The following ABLIM2 variants were observed in gnomAD, a reference collection of about 807,000 sequenced individuals.
ABLIM2 encodes the protein actin binding LIM protein family member 2, also known as actin-binding LIM protein 2.
ABLIM2 carries 53 observed loss-of-function variants against 97.7 expected under a neutral mutation model. That is an observed-to-expected ratio of 0.54 (90% CI 0.44 to 0.68). The LOEUF is 0.68. Among genes scored for constraint, ABLIM2 ranks in the 30% least tolerant of loss-of-function variants. The pLI is 0.00. For synonymous variants in ABLIM2, 361 were observed against 345.8 expected (o/e 1.04, Z -0.49); for missense variants, 835 against 867.2 (o/e 0.96, Z 0.47).
intron 1 of ABLIM2, among the ~76,000 whole-genome samples, chr4:8,138,044 G>A (rs55684610): frequency 0.086 from 13,023 of 152,244 alleles, 594 homozygotes; most frequent in South Asian, 0.12. Context: ...AAGACATTAC[G>A]CTGAGTGAGA....
chr4:8,123,347 TA>T lies in ABLIM2; in HGVS notation c.11-16711del, dbSNP rs1031700401. On this transcript the variant is annotated intron_variant, in intron 1 of 20. Coordinates refer to ENST00000447017, the MANE Select transcript of ABLIM2 (RefSeq NM_001130083.2). The surrounding 1 kb of genome is among the most constrained non-coding windows in gnomAD (Gnocchi z 6.2). ...GGAACCCCATCTCAGAGATGCTCAGTAACCTGTCTAGATCACACAGCCTTCA... is the reference window on the plus strand; with the variant it reads ...GGAACCCCATCTCAGAGATGCTCAGTACCTGTCTAGATCACACAGCCTTCA... Among the ~76,000 whole-genome samples the T allele has an allele frequency of 1.3e-5, 2 of 152,152 alleles. No individual in the cohort carries two copies. The highest frequency in any genetic ancestry group is 2.9e-5 in the Non-Finnish European group (2 of 68,026).
At chr4:8,141,905 C>G (rs1313217025) in intron 1 of ABLIM2, among the ~76,000 whole-genome samples, 1 of 152,242 alleles carries the variant, frequency 6.6e-6, no homozygotes, top group Non-Finnish European at 1.5e-5. Flanking sequence ...ATACATGCAC[C>G]CTGGATCTGA....
chr4:8,050,186 G>C (rs533180222), intron 8 of ABLIM2, among the ~76,000 whole-genome samples: 1 of 152,258 alleles, frequency 6.6e-6, no homozygotes, highest in East Asian at 1.9e-4. Flanking sequence ...CACCTTGGGC[G>C]CCTGTTCTCA....
rs1782460025 is a variant in ABLIM2, at chr4:8,033,727, C to T, written c.1047+2422G>A. 6.6e-6 allele frequency among the ~76,000 whole-genome samples: 1 copy of T among 152,220 alleles called. No homozygotes were observed. Among genetic ancestry groups the T allele is most frequent in the Admixed American group, 6.5e-5 (1 of 15,284 alleles). On this transcript the variant is annotated intron_variant, in intron 10 of 20. Transcript: ENST00000447017. This position sits in a 1 kb window ranked among gnomAD's most constrained non-coding sequence, Gnocchi z 4.5. Reference sequence around the variant, plus strand: ...GGACAGGTCCTGGGGTCAGGATCATCCATGGTTCACAGATGTCCTGCCATT... The same window carrying T: ...GGACAGGTCCTGGGGTCAGGATCATTCATGGTTCACAGATGTCCTGCCATT...
intron 20 of ABLIM2, among the ~76,000 whole-genome samples, chr4:7,968,867 G>T: frequency 6.6e-6 from 1 of 152,184 alleles, no homozygotes; most frequent in East Asian, 1.9e-4. Flanking sequence ...TGGGCCGGGG[G>T]TGGCAGCTCA....
intron 1 of ABLIM2, among the ~76,000 whole-genome samples, chr4:8,137,758 G>A (rs536945452): frequency 2.6e-5 from 4 of 152,316 alleles, no homozygotes; most frequent in African/African-American, 9.6e-5. Flanking sequence ...AAGTAGGGTG[G>A]GCCCTCGAAA....
In ABLIM2 at chr4:8,085,493, G is replaced by A. The variant is rs1029713064; in HGVS notation, c.454+2676C>T. 1.4e-5 allele frequency among the ~76,000 whole-genome samples: 2 copies of A among 146,292 alleles called. No individual in the cohort carries two copies. The highest frequency in any genetic ancestry group is 3.0e-5 in the Non-Finnish European group (2 of 66,712). ...CTCACACGGGTCTGGGGGTGCCCAC[G>A]CTGCAGTCCCGTCCACTCACACGGC... On this transcript the variant is annotated intron_variant, in intron 4 of 20. Transcript: ENST00000447017. The surrounding 1 kb of genome is among the most constrained non-coding windows in gnomAD (Gnocchi z 6.1).
chr4:7,989,072 CTTTTTTTTT>C (rs71175445), intron 17 of ABLIM2, among the ~76,000 whole-genome samples: 134 of 81,364 alleles, frequency 1.6e-3, no homozygotes, highest in Non-Finnish European at 2.3e-3. Context: ...ACACATTAGT[CTTTTTTTTT>C]TTTTTTTTTT....
chr4:8,013,066 T>C lies in ABLIM2; in HGVS notation c.1424-3964A>G, dbSNP rs1390220151. On this transcript the variant is annotated intron_variant, in intron 14 of 20. Transcript: ENST00000447017. ...CAGGCCAGTGAAGTCGAGGCAGAGG[T>C]GGATGAGAGGGTTTCTATACATAAC... is the stretch of plus-strand genomic sequence containing the variant. Among the ~76,000 whole-genome samples the C allele has an allele frequency of 3.3e-5, 5 of 151,990 alleles. No individual in the cohort carries two copies. In the East Asian group the frequency reaches 9.6e-4, roughly 29 times the overall value.
At chr4:8,060,886 G>C in intron 7 of ABLIM2, 81 bp downstream of exon 7, 1 of 1,242,178 alleles carries the variant, frequency 8.1e-7, no homozygotes, top group Non-Finnish European at 1.1e-6. Context: ...TCACCAACCT[G>C]TTCACACCCA....
intron 4 of ABLIM2, 75 bp from the exon 5 acceptor site, chr4:8,080,877 C>G (rs751975972): frequency 1.4e-5 from 21 of 1,517,104 alleles, no homozygotes; most frequent in Non-Finnish European, 1.8e-5. Flanking sequence ...GCTCTCCACA[C>G]TCCGTGAAGG....
chr4:8,116,420 T>C (rs1256386253), intron 1 of ABLIM2, among the ~76,000 whole-genome samples: 1 of 152,218 alleles, frequency 6.6e-6, no homozygotes, highest in Non-Finnish European at 1.5e-5. Context: ...ATCCCACTTC[T>C]GCTATCGCAC....
Position 8,054,232 on chromosome 4 carries a change from G to A in ABLIM2, c.778C>T (p.His260Tyr), listed in dbSNP as rs1797660279. 1 of 1,614,066 alleles carries A rather than the reference G, an allele frequency of 6.2e-7. No homozygotes were observed. Among genetic ancestry groups the A allele is most frequent in the Non-Finnish European group, 8.5e-7 (1 of 1,179,898 alleles). The part of the protein sequence containing the change: ...EMYLQGSSIW[H>Y]PACRQAARTE... ...CTGGCTGCTTGTCGACACGCCGGAT[G>A]CCAGATGGAGGAACCTGTTGACAAA... The change falls in exon 8 of 21, where the codon CAT (histidine) becomes TAT (tyrosine). Residue 260 changes from histidine (H) to tyrosine (Y), a missense_variant. By Grantham distance (83) the His-to-Tyr change is moderately conservative. Transcript: ENST00000447017. The surrounding 1 kb of genome is among the most constrained non-coding windows in gnomAD (Gnocchi z 4.9).
chr4:8,126,162 G>A (rs78005917), intron 1 of ABLIM2, among the ~76,000 whole-genome samples: 26 of 152,258 alleles, frequency 1.7e-4, no homozygotes, highest in African/African-American at 5.8e-4. Flanking sequence ...GAGGCGCTGA[G>A]GGGGGGCTAT....
Position 8,102,026 on chromosome 4 carries a change from C to A in ABLIM2, c.154+4468G>T, listed in dbSNP as rs367952627. Among the ~76,000 whole-genome samples the A allele has an allele frequency of 6.6e-5, 10 of 152,342 alleles. No individual in the cohort carries two copies. In the South Asian group the frequency reaches 1.0e-3, roughly 16 times the overall value. On this transcript the variant is annotated intron_variant, in intron 2 of 20. Coordinates refer to ENST00000447017, the MANE Select transcript of ABLIM2 (RefSeq NM_001130083.2). Reference sequence around the variant, plus strand: ...CTCTAGCCTCCTCCCGACTCCCACCCTGGCCTCCCTGCACAAGCAAGCACC... The same window carrying A: ...CTCTAGCCTCCTCCCGACTCCCACCATGGCCTCCCTGCACAAGCAAGCACC...
At chr4:7,967,666 AG>A (rs1336694707) in intron 20 of ABLIM2, among the ~76,000 whole-genome samples, 1 of 152,154 alleles carries the variant, frequency 6.6e-6, no homozygotes, top group East Asian at 1.9e-4. Flanking sequence ...TGCCTCTCTG[AG>A]CTCAGCTTCT....
chr4:8,148,541 G>T lies in ABLIM2; in HGVS notation c.10+10139C>A, dbSNP rs1023143111. Among the ~76,000 whole-genome samples, 3 of 152,206 alleles carry T rather than the reference G, an allele frequency of 2.0e-5. No homozygotes were observed. The highest frequency in any genetic ancestry group is 7.2e-5 in the African/African-American group (3 of 41,464). ...GCCTCCGTTTGCTCACCTGTGAAGT[G>T]GGAATACTGGTAGTCCCGAGCAAGG... On this transcript the variant is annotated intron_variant, in intron 1 of 20. Transcript: ENST00000447017. This position sits in a 1 kb window ranked among gnomAD's most constrained non-coding sequence, Gnocchi z 6.7.
intron 5 of ABLIM2, among the ~76,000 whole-genome samples, chr4:8,078,023 T>C (rs1817388535): frequency 6.6e-6 from 1 of 152,224 alleles, no homozygotes; most frequent in African/African-American, 2.4e-5. Context: ...GAGCTGCTTC[T>C]GTAGACCTGG....
chr4:8,016,917 C>CATA (rs1280373139), intron 14 of ABLIM2, among the ~76,000 whole-genome samples: 3 of 152,222 alleles, frequency 2.0e-5, no homozygotes, highest in African/African-American at 7.2e-5. Flanking sequence ...TCTTCGGGTG[C>CATA]ATATATGGCT....
Sources: gnomAD v4.1 joint callset for allele counts (sites outside exome capture counted in the v4.1 genomes callset) on GRCh38, gnomAD v4.1.1 for gene constraint, Gnocchi (gnomAD v3.1) non-coding constraint, MANE v1.5 for transcripts, NCBI Gene and HGNC (gene_info 2026-07-23, HGNC 2026-07-21) for gene names.